The following BBS9 variants were observed in gnomAD, a reference collection of about 807,000 sequenced individuals.
BBS9 encodes Bardet-Biedl syndrome 9.
A neutral mutation model predicts 117.7 loss-of-function variants in BBS9; 89 were observed. The observed-to-expected ratio is 0.76, with a 90% CI of 0.64 to 0.90. The LOEUF is 0.90. BBS9 is among the 40% of genes least tolerant of loss of function. The pLI is 0.00. For missense variants in BBS9, 982 were observed against 1,042.2 expected, an observed-to-expected ratio of 0.94 and a Z score of 0.80; for synonymous variants, 379 against 370.9, an observed-to-expected ratio of 1.02 and a Z score of -0.25.
chr7:33,436,827 G>A (rs1451708103), intron 19 of BBS9, among the ~76,000 whole-genome samples: 2 of 152,328 alleles, frequency 1.3e-5, no homozygotes, highest in South Asian at 4.1e-4. Context: ...ATTGTTAATA[G>A]ATGCCAGATA....
At chr7:33,546,222 T>G (rs747401913) in intron 21 of BBS9, among the ~76,000 whole-genome samples, 26 of 152,148 alleles carry the variant, frequency 1.7e-4, no homozygotes, top group Non-Finnish European at 3.2e-4. Flanking sequence ...GGTGAGCCAC[T>G]GCGCCCGGCC....
chr7:33,147,046 A>G (rs1269592519), intron 2 of BBS9, among the ~76,000 whole-genome samples: 1 of 152,202 alleles, frequency 6.6e-6, no homozygotes, highest in Non-Finnish European at 1.5e-5. Flanking sequence ...CCTGGAAACC[A>G]TTCATACCAT....
At chr7:33,633,344 T>A (rs976306724) in intron 21 of BBS9, among the ~76,000 whole-genome samples, 1 of 152,146 alleles carries the variant, frequency 6.6e-6, no homozygotes, top group African/African-American at 2.4e-5. Flanking sequence ...TTGATTGTAT[T>A]TTCTTCTGAG....
Position 33,303,490 on chromosome 7 carries a change from T to C in BBS9, c.1016+29534T>C, listed in dbSNP as rs190891973. Among the ~76,000 whole-genome samples, 734 of 151,150 alleles carry C rather than the reference T, an allele frequency of 4.9e-3. 10 individuals carry two copies. The highest frequency in any genetic ancestry group is 0.017 in the African/African-American group (697 of 40,862). Reference sequence around the variant, plus strand: ...TGAGAGGATGTTGAATTTTCTCAAATGCTTTTTTTAGTATCAACTGAAATG... The same window carrying C: ...TGAGAGGATGTTGAATTTTCTCAAACGCTTTTTTTAGTATCAACTGAAATG... On this transcript the variant is annotated intron_variant, in intron 9 of 22. Transcript: ENST00000242067.
At chr7:33,221,684 A>G (rs1380836342) in intron 5 of BBS9, among the ~76,000 whole-genome samples, 1 of 152,204 alleles carries the variant, frequency 6.6e-6, no homozygotes, top group Non-Finnish European at 1.5e-5. Flanking sequence ...TATTGTTCCT[A>G]TACTAGAGTG....
chr7:33,269,604 A>G (rs1410113779), intron 7 of BBS9, among the ~76,000 whole-genome samples: 2 of 152,110 alleles, frequency 1.3e-5, no homozygotes, highest in Admixed American at 6.6e-5. Flanking sequence ...TACAGCCAGC[A>G]CAGAAGTGGG....
At chr7:33,578,235 G>A (rs1336370137) in intron 21 of BBS9, among the ~76,000 whole-genome samples, 2 of 152,118 alleles carry the variant, frequency 1.3e-5, no homozygotes, top group Admixed American at 6.6e-5. Flanking sequence ...AGTGTGTAGA[G>A]AAAACTGAGT....
chr7:33,355,886 TA>T (rs987831230), intron 15 of BBS9, among the ~76,000 whole-genome samples: 1 of 151,920 alleles, frequency 6.6e-6, no homozygotes, highest in Non-Finnish European at 1.5e-5. Context: ...TGATTATATT[TA>T]ATTTTTTTTA....
At chr7:33,321,544 T>C (rs1811714911) in intron 9 of BBS9, among the ~76,000 whole-genome samples, 1 of 152,132 alleles carries the variant, frequency 6.6e-6, no homozygotes, top group Non-Finnish European at 1.5e-5. Flanking sequence ...TATTGGTATA[T>C]AGAAATGCTA....
intron 9 of BBS9, among the ~76,000 whole-genome samples, chr7:33,317,224 C>T (rs377242244): frequency 6.6e-6 from 1 of 152,128 alleles, no homozygotes; most frequent in Non-Finnish European, 1.5e-5. Flanking sequence ...TAGTCTCATG[C>T]CAATACCACA....
chr7:33,145,450 C>T (rs904514854), intron 1 of BBS9, among the ~76,000 whole-genome samples: 3 of 152,104 alleles, frequency 2.0e-5, no homozygotes, highest in Non-Finnish European at 4.4e-5. Flanking sequence ...CAAGGACACA[C>T]GGATAGTTAG....
At chr7:33,520,824 C>T (rs1463470170) in intron 20 of BBS9, among the ~76,000 whole-genome samples, 3 of 152,170 alleles carry the variant, frequency 2.0e-5, no homozygotes, top group African/African-American at 7.2e-5. Context: ...GGCTCTTGAC[C>T]TGGTAATTTA....
chr7:33,313,676 C>T (rs564467209), intron 9 of BBS9, among the ~76,000 whole-genome samples: 3 of 152,232 alleles, frequency 2.0e-5, no homozygotes, highest in South Asian at 2.1e-4. Context: ...ATTCTTGCTG[C>T]TTTGATATCT....
At chr7:33,405,689 T>C (rs1368058250) in intron 19 of BBS9, among the ~76,000 whole-genome samples, 6 of 152,194 alleles carry the variant, frequency 3.9e-5, no homozygotes, top group African/African-American at 1.4e-4. Context: ...TCGGTGGTGG[T>C]ATCCCTTTTA....
At chr7:33,340,045 T>C (rs1447088089) in intron 10 of BBS9, among the ~76,000 whole-genome samples, 4 of 151,744 alleles carry the variant, frequency 2.6e-5, no homozygotes, top group Non-Finnish European at 5.9e-5. Context: ...ATACTATGAA[T>C]AAATATCTCA....
At chr7:33,526,997 A>G (rs578150962) in intron 20 of BBS9, among the ~76,000 whole-genome samples, 148 of 150,062 alleles carry the variant, frequency 9.9e-4, no homozygotes, top group African/African-American at 2.5e-3. Context: ...GTCTGTTGCA[A>G]TACCCTGCCG....
intron 21 of BBS9, among the ~76,000 whole-genome samples, chr7:33,573,475 T>A (rs1858190356): frequency 6.6e-6 from 1 of 152,134 alleles, no homozygotes; most frequent in South Asian, 2.1e-4. Flanking sequence ...GTTCTACCAG[T>A]TCATAGAGCT....
intron 9 of BBS9, among the ~76,000 whole-genome samples, chr7:33,291,404 C>T (rs1804021259): frequency 6.6e-6 from 1 of 152,064 alleles, no homozygotes; most frequent in African/African-American, 2.4e-5. Context: ...TAGATGTTGC[C>T]TTTAGGAAGA....
Position 33,155,644 on chromosome 7 carries a change from C to T in BBS9, c.270C>T (p.Thr90=), listed in dbSNP as rs747398844. ...AACTTTCTCTGTTTTTCAGAGGTAC[C>T]GAAATGCTACATTTGGCTGTGTTAC... ...QVEVGKFVSG[T]EMLHLAVLHS... Residue 90 remains threonine (T), a synonymous_variant, in exon 4 of 23, where the codon ACC becomes ACT. Coordinates refer to ENST00000242067, the MANE Select transcript of BBS9 (RefSeq NM_198428.3). The T allele has an allele frequency of 4.0e-5, 63 of 1,591,236 alleles. No homozygotes were observed. The Middle Eastern group carries it at 6.6e-4, about 17-fold the overall frequency.
Sources: gnomAD v4.1 joint callset for allele counts (sites outside exome capture counted in the v4.1 genomes callset) on GRCh38, gnomAD v4.1.1 for gene constraint, MANE v1.5 for transcripts, NCBI Gene and HGNC (gene_info 2026-07-23, HGNC 2026-07-21) for gene names.